Variants in LEO1 observed in about 807,000 individuals in gnomAD.
The protein encoded by LEO1 is RNA polymerase-associated protein LEO1.
A neutral mutation model predicts 80.4 loss-of-function variants in LEO1; 34 were observed. The ratio of observed to expected loss-of-function variants is 0.42; its 90% CI spans 0.32 to 0.56. The LOEUF (loss-of-function observed/expected upper bound fraction) is 0.56, where lower values mean the gene tolerates loss of function less well. Among genes scored for constraint, LEO1 ranks in the 20% least tolerant of loss-of-function variants. The pLI is 0.10. For missense variants in LEO1, 631 were observed against 814.2 expected (o/e 0.77, Z 2.74); for synonymous variants, 262 against 274.9 (o/e 0.95, Z 0.46).
At chr15:51,952,971 A>G (rs2056961016) in intron 8 of LEO1, among the ~76,000 whole-genome samples, 158 bp downstream of exon 8, 1 of 152,214 alleles carries the variant, frequency 6.6e-6, no homozygotes, top group Non-Finnish European at 1.5e-5. Context: ...AGTGTATTTG[A>G]CAAAATAACC....
intron 5 of LEO1, 105 bp downstream of exon 5, chr15:51,959,794 A>T (rs2057016175): frequency 9.2e-7 from 1 of 1,085,352 alleles, no homozygotes; most frequent in Non-Finnish European, 1.3e-6. Flanking sequence ...ATACACGATC[A>T]ATTTTCCGTT....
chr15:51,969,375 C>T (rs947149420), intron 1 of LEO1, among the ~76,000 whole-genome samples: 6 of 151,988 alleles, frequency 3.9e-5, no homozygotes, highest in Non-Finnish European at 7.4e-5. Context: ...TGGCTCACAC[C>T]TGTAATCCCA....
intron 11 of LEO1, among the ~76,000 whole-genome samples, chr15:51,940,254 C>CAAA (rs745641318): frequency 1.6e-4 from 6 of 37,920 alleles, no homozygotes; most frequent in Non-Finnish European, 2.5e-4. Flanking sequence ...GACTCCGTAT[C>CAAA]AAAAAAAAAA....
At chr15:51,941,359 C>G (rs530398576) in intron 11 of LEO1, among the ~76,000 whole-genome samples, 1 of 152,084 alleles carries the variant, frequency 6.6e-6, no homozygotes, top group Non-Finnish European at 1.5e-5. Context: ...CCTGTAGATA[C>G]AGAAAAAGAC....
intron 5 of LEO1, among the ~76,000 whole-genome samples, 159 bp downstream of exon 5, chr15:51,959,740 A>G (rs548001978): frequency 6.6e-6 from 1 of 152,292 alleles, no homozygotes; most frequent in South Asian, 2.1e-4. Context: ...TTACTAATAC[A>G]TATTTTTTCT....
intron 2 of LEO1, among the ~76,000 whole-genome samples, chr15:51,964,806 T>A (rs886737013): frequency 5.3e-5 from 8 of 152,204 alleles, no homozygotes; most frequent in African/African-American, 1.2e-4. Context: ...CAGGAAGACT[T>A]CAACTTAATT....
intron 11 of LEO1, 184 bp downstream of exon 11, chr15:51,947,108 T>C: frequency 3.3e-6 from 2 of 602,618 alleles, no homozygotes; most frequent in Non-Finnish European, 5.9e-6. Context: ...CTAAGACCTC[T>C]CTAAGCACAG....
intron 1 of LEO1, 149 bp downstream of exon 1, chr15:51,971,539 G>A: frequency 2.7e-6 from 2 of 743,146 alleles, no homozygotes; most frequent in South Asian, 3.1e-5. Context: ...CGCCGGAGGA[G>A]GATGGCACCT....
chr15:51,952,686 A>G (rs1435834887), intron 8 of LEO1, among the ~76,000 whole-genome samples: 1 of 152,194 alleles, frequency 6.6e-6, no homozygotes, highest in African/African-American at 2.4e-5. Flanking sequence ...GTGGTATTAG[A>G]TGCCGGGGCC....
At chr15:51,971,068 T>C (rs1025184) in intron 1 of LEO1, among the ~76,000 whole-genome samples, 66,339 of 152,018 alleles carry the variant, frequency 0.44, 14,697 homozygotes, top group Admixed American at 0.52. Context: ...CTCCTCTCTG[T>C]ACACAGACCC....
chr15:51,951,257 T>C (rs933872767), intron 9 of LEO1, among the ~76,000 whole-genome samples: 1 of 152,226 alleles, frequency 6.6e-6, no homozygotes, highest in African/African-American at 2.4e-5. Flanking sequence ...CTACTGCATA[T>C]GGCTTCTCAA....
chr15:51,956,399 G>A (rs1473318242), intron 6 of LEO1, among the ~76,000 whole-genome samples: 8 of 127,396 alleles, frequency 6.3e-5, no homozygotes, highest in African/African-American at 1.2e-4. Context: ...CAGCCTGGGC[G>A]ACGACAGAGC....
At chr15:51,969,238 C>G (rs941339766) in intron 1 of LEO1, among the ~76,000 whole-genome samples, 1 of 151,724 alleles carries the variant, frequency 6.6e-6, no homozygotes, top group Non-Finnish European at 1.5e-5. Flanking sequence ...GGATTACAGG[C>G]GTGAGCCACT....
chr15:51,965,504 G>C (rs1009025248), intron 2 of LEO1, among the ~76,000 whole-genome samples: 2 of 152,144 alleles, frequency 1.3e-5, no homozygotes, highest in Admixed American at 6.5e-5. Flanking sequence ...TCAATTTTAA[G>C]TCCTCTTTAA....
In LEO1 at chr15:51,938,185, T is replaced by C; in HGVS notation, c.1972A>G (p.Ser658Gly). 1 of 1,604,592 alleles carries C rather than the reference T, an allele frequency of 6.2e-7. No homozygotes were observed. Among genetic ancestry groups the C allele is most frequent in the Non-Finnish European group, 8.5e-7 (1 of 1,172,640 alleles). Residue 658 changes from serine to glycine, a missense_variant, in exon 12 of 12, where the codon AGC (serine) becomes GGC (glycine). Coordinates refer to ENST00000299601, the MANE Select transcript of LEO1 (RefSeq NM_138792.4). ...TCATCATCTTCTTCCTCTTCATCGC[T>C]GATCACATACTTCTTATGCTTTTTA... The part of the protein sequence containing the change: ...ANKKHKKYVI[S>G]DEEEEDDD
intron 1 of LEO1, 60 bp downstream of exon 1, chr15:51,971,628 T>G: frequency 6.4e-7 from 1 of 1,559,350 alleles, no homozygotes; most frequent in South Asian, 1.1e-5. Flanking sequence ...TCCACGGTTG[T>G]CCGGCTCCCA....
intron 2 of LEO1, among the ~76,000 whole-genome samples, chr15:51,965,264 A>G (rs2141778711): frequency 6.6e-6 from 1 of 152,350 alleles, no homozygotes; most frequent in East Asian, 1.9e-4. Context: ...TAAACTCCTT[A>G]GAGCTTGACC....
At chr15:51,940,214 C>G (rs1003808996) in intron 11 of LEO1, among the ~76,000 whole-genome samples, 1 of 142,782 alleles carries the variant, frequency 7.0e-6, no homozygotes, top group African/African-American at 2.6e-5. Flanking sequence ...GAAATCACAC[C>G]ACTGCTCTCC....
At chr15:51,960,862 G>C in intron 3 of LEO1, 129 bp from the exon 4 acceptor site, 1 of 617,214 alleles carries the variant, frequency 1.6e-6, no homozygotes, top group South Asian at 2.0e-5. Flanking sequence ...ATAATGCTGA[G>C]CCTGGCTCTC....
Sources: gnomAD v4.1 joint callset for allele counts (sites outside exome capture counted in the v4.1 genomes callset) on GRCh38, gnomAD v4.1.1 for gene constraint, MANE v1.5 for transcripts, NCBI Gene and HGNC (gene_info 2026-07-23, HGNC 2026-07-21) for gene names.